Variants in TAB2 observed in about 807,000 individuals in gnomAD.
TAB2 encodes the protein TGF-beta activated kinase 1 (MAP3K7) binding protein 2.
TAB2 carries 3 observed loss-of-function variants against 65.0 expected under a neutral mutation model. The ratio of observed to expected loss-of-function variants is 0.05; its 90% CI spans 0.02 to 0.12. TAB2 has a LOEUF of 0.12. TAB2 is among the 10% of genes least tolerant of loss of function. TAB2 has a pLI of 1.00. For missense variants in TAB2, 623 were observed against 840.3 expected (o/e 0.74, Z 3.20); for synonymous variants, 298 against 285.1 (o/e 1.05, Z -0.46).
At chr6:149,252,114 T>C (rs1777874148) in intron 1 of TAB2, among the ~76,000 whole-genome samples, 1 of 152,102 alleles carries the variant, frequency 6.6e-6, no homozygotes, top group Non-Finnish European at 1.5e-5. Flanking sequence ...GCAATGAACC[T>C]TAAGAGGGCA....
chr6:149,249,196 C>T (rs1022257381), intron 1 of TAB2, among the ~76,000 whole-genome samples: 1 of 151,388 alleles, frequency 6.6e-6, no homozygotes, highest in Non-Finnish European at 1.5e-5. Flanking sequence ...AGACACCTAC[C>T]CTACTAGAAG....
At chr6:149,343,756 A>G (rs1473075483) in intron 1 of TAB2, among the ~76,000 whole-genome samples, 1 of 152,176 alleles carries the variant, frequency 6.6e-6, no homozygotes, top group Non-Finnish European at 1.5e-5. Flanking sequence ...CTACTCATGA[A>G]TGGTTAGAGG....
Position 149,389,663 on chromosome 6 carries a change from AAAG to A in TAB2, c.1604-7940_1604-7938del, listed in dbSNP as rs1298797798. Among the ~76,000 whole-genome samples the A allele has an allele frequency of 2.0e-5, 3 of 148,280 alleles. No individual in the cohort carries two copies. The Admixed American group carries it at 2.1e-4, about 10-fold the overall frequency. ...TCTGTGTCAAAAAAAAAAAAAAAAA[AAAG>A]GTATAAACCTTTCTAAGCCATAATC... On this transcript the variant is annotated intron_variant, in intron 3 of 6. Coordinates refer to ENST00000637181, the MANE Select transcript of TAB2 (RefSeq NM_001292034.3).
chr6:149,399,838 G>A (rs1227627728), intron 6 of TAB2, among the ~76,000 whole-genome samples: 2 of 152,278 alleles, frequency 1.3e-5, no homozygotes, highest in Non-Finnish European at 2.9e-5. Context: ...AAGTTAAAAG[G>A]TAAAAATGTG....
chr6:149,238,370 G>A (rs904038265), intron 1 of TAB2, among the ~76,000 whole-genome samples: 6 of 151,964 alleles, frequency 3.9e-5, no homozygotes, highest in Admixed American at 6.6e-5. Context: ...TCTTTACCTG[G>A]GAGAGGAGAC....
In TAB2 at chr6:149,366,983, G is replaced by C. The variant is rs182967299; in HGVS notation, c.-89-2926G>C. ...TTTTTTTTTCAAATCTAGATCATTT[G>C]AAATATGTTTTGGAAGCCTTATAGA... On this transcript the variant is annotated intron_variant, in intron 1 of 6. Transcript: ENST00000637181. Among the ~76,000 whole-genome samples the C allele has an allele frequency of 4.0e-5, 6 of 149,972 alleles. No homozygotes were observed. In the East Asian group the frequency reaches 7.8e-4, roughly 20 times the overall value.
chr6:149,393,728 G>GA (rs1187343137), intron 3 of TAB2, among the ~76,000 whole-genome samples: 9 of 152,134 alleles, frequency 5.9e-5, no homozygotes, highest in African/African-American at 1.9e-4. Context: ...GTATTTGTTG[G>GA]AAAATAAATT....
chr6:149,405,182 A>T lies in TAB2; in HGVS notation c.1940-4395A>T, dbSNP rs559464983. ...TGAAAGGTACTCACCCTCACTAATCATCAGGAAAATGCAAATTAAAACCCA... is the reference window on the plus strand; with the variant it reads ...TGAAAGGTACTCACCCTCACTAATCTTCAGGAAAATGCAAATTAAAACCCA... On this transcript the variant is annotated intron_variant, in intron 6 of 6. Coordinates refer to ENST00000637181, the MANE Select transcript of TAB2 (RefSeq NM_001292034.3). 2.6e-5 allele frequency among the ~76,000 whole-genome samples: 4 copies of T among 152,368 alleles called. No homozygotes were observed. In the South Asian group the frequency reaches 8.3e-4, roughly 32 times the overall value.
At chr6:149,233,173 C>T (rs751003821) in intron 1 of TAB2, among the ~76,000 whole-genome samples, 14 of 152,252 alleles carry the variant, frequency 9.2e-5, no homozygotes, top group Non-Finnish European at 1.9e-4. Flanking sequence ...GTCATGAATG[C>T]CATGGTAACT....
At chr6:149,311,326 T>C (rs1478158290) in intron 1 of TAB2, among the ~76,000 whole-genome samples, 1 of 152,224 alleles carries the variant, frequency 6.6e-6, no homozygotes, top group Admixed American at 6.5e-5. Context: ...TTTCAACTCT[T>C]GTTCAAGGTT....
chr6:149,331,298 A>G (rs1365613973), intron 1 of TAB2, among the ~76,000 whole-genome samples: 1 of 152,102 alleles, frequency 6.6e-6, no homozygotes, highest in East Asian at 1.9e-4. Context: ...TTATACCTAG[A>G]TATATATTTT....
At chr6:149,220,901 AC>A (rs1243462869) in intron 1 of TAB2, 9 of 152,164 alleles carry the variant, frequency 5.9e-5, no homozygotes, top group Admixed American at 3.3e-4. Flanking sequence ...ACAAGCGTGA[AC>A]CACCATGCCT....
intron 1 of TAB2, among the ~76,000 whole-genome samples, chr6:149,251,791 C>T (rs912994039): frequency 3.3e-5 from 5 of 152,170 alleles, no homozygotes; most frequent in African/African-American, 4.8e-5. Context: ...TTTGTTAAAA[C>T]ATGTACCATA....
intron 1 of TAB2, among the ~76,000 whole-genome samples, chr6:149,321,713 G>A (rs1779461279): frequency 1.3e-5 from 2 of 152,120 alleles, no homozygotes; most frequent in South Asian, 4.1e-4. Flanking sequence ...CTTAGAAAAG[G>A]AGTGAGCAGA....
chr6:149,395,074 AC>A (rs1782121010), intron 3 of TAB2, among the ~76,000 whole-genome samples: 1 of 151,954 alleles, frequency 6.6e-6, no homozygotes, highest in South Asian at 2.1e-4. Context: ...CTCTTGCCCT[AC>A]TCCCTGGCCC....
In TAB2 at chr6:149,221,658, C is replaced by T. The variant is rs76954719; in HGVS notation, c.-121+2882C>T. On this transcript the variant is annotated intron_variant, in intron 1 of 1. Transcript: ENST00000606202. ...CACTCTCTGATTGTGGCTCTTAACT[C>T]GCCAGGTAAAAGTCCTTCTGTGTAG... Among the ~76,000 whole-genome samples, 787 of 152,198 alleles carry T rather than the reference C, an allele frequency of 5.2e-3. 9 individuals carry two copies. The highest frequency in any genetic ancestry group is 0.018 in the African/African-American group (759 of 41,526).
chr6:149,350,617 C>CTTTTTT (rs150204735), intron 1 of TAB2, among the ~76,000 whole-genome samples: 12 of 92,500 alleles, frequency 1.3e-4, no homozygotes, highest in African/African-American at 4.8e-4. Flanking sequence ...TATTTTATGT[C>CTTTTTT]TTTTTTTTTT....
upstream of TAB2, among the ~76,000 whole-genome samples, chr6:149,312,973 G>A (rs573123): frequency 9.9e-3 from 1,496 of 151,838 alleles, 18 homozygotes; most frequent in African/African-American, 0.034. Flanking sequence ...TTTTGTATCC[G>A]TTATCTCATC....
rs537681811 is a variant in TAB2, at chr6:149,300,013, ATT to A, written c.-120-77997_-120-77996del. On this transcript the variant is annotated intron_variant, in intron 1 of 1. Transcript: ENST00000606202. Reference sequence around the variant, plus strand: ...ACTAGAACCTGTCTCTAAAAAAGAAATTTTTTTTTAAATGTTGCTAGATAAAA... The same window carrying A: ...ACTAGAACCTGTCTCTAAAAAAGAAATTTTTTTAAATGTTGCTAGATAAAA... Among the ~76,000 whole-genome samples, 7 of 151,912 alleles carry A rather than the reference ATT, an allele frequency of 4.6e-5. No individual in the cohort carries two copies. The South Asian group carries it at 1.5e-3, about 32-fold the overall frequency.
Sources: allele counts gnomAD v4.1 joint callset (sites outside exome capture counted in the v4.1 genomes callset), GRCh38; gene constraint gnomAD v4.1.1; transcripts MANE v1.5; gene names NCBI Gene and HGNC (gene_info 2026-07-23, HGNC 2026-07-21).